NELL1: variants seen among roughly 807,000 people sequenced by gnomAD.
NELL1 encodes neural EGFL like 1.
NELL1 carries 76 observed loss-of-function variants against 107.4 expected under a neutral mutation model. That is an observed-to-expected ratio of 0.71 (90% CI 0.59 to 0.86). The LOEUF is 0.86. Among genes scored for constraint, NELL1 ranks in the 40% least tolerant of loss-of-function variants. The probability of loss-of-function intolerance (pLI) is 0.00; values close to 1 mark genes in which losing one functional copy is unlikely to be tolerated. For synonymous variants in NELL1, 353 were observed against 341.2 expected, an observed-to-expected ratio of 1.03 and a Z score of -0.38; for missense variants, 1,024 against 1,005.5, an observed-to-expected ratio of 1.02 and a Z score of -0.25.
chr11:20,865,498 A>G (rs968697076), intron 4 of NELL1, among the ~76,000 whole-genome samples: 1 of 151,806 alleles, frequency 6.6e-6, no homozygotes, highest in Non-Finnish European at 1.5e-5. Flanking sequence ...CCTTCACTCT[A>G]CTGTGTCTGA....
intron 14 of NELL1, among the ~76,000 whole-genome samples, chr11:21,298,677 C>T (rs1489741656): frequency 2.0e-5 from 3 of 151,966 alleles, no homozygotes; most frequent in Non-Finnish European, 4.4e-5. Context: ...TGGTAATTCC[C>T]ATTACCACTT....
chr11:21,412,763 A>G (rs1852410225), intron 15 of NELL1, among the ~76,000 whole-genome samples: 2 of 152,082 alleles, frequency 1.3e-5, no homozygotes, highest in Non-Finnish European at 2.9e-5. Context: ...GATAGAATCT[A>G]ACCCCTTAAG....
chr11:20,908,330 A>T (rs1376347935), intron 5 of NELL1, among the ~76,000 whole-genome samples: 2 of 152,222 alleles, frequency 1.3e-5, no homozygotes, highest in Non-Finnish European at 2.9e-5. Context: ...AGACTATTTG[A>T]TAAAGAAAAT....
At chr11:20,863,481 C>A (rs1380692668) in intron 4 of NELL1, among the ~76,000 whole-genome samples, 1 of 135,316 alleles carries the variant, frequency 7.4e-6, no homozygotes, top group Admixed American at 7.5e-5. Flanking sequence ...GGCGGCCGGG[C>A]AGAGACGCTC....
chr11:21,184,769 C>T (rs886571783), intron 13 of NELL1, among the ~76,000 whole-genome samples: 3 of 151,656 alleles, frequency 2.0e-5, no homozygotes, highest in Middle Eastern at 3.2e-3. Context: ...GAAGTGAAAT[C>T]GTGTTTTCTA....
At chr11:21,080,976 T>A (rs566607748) in intron 12 of NELL1, among the ~76,000 whole-genome samples, 3 of 152,046 alleles carry the variant, frequency 2.0e-5, no homozygotes, top group Non-Finnish European at 4.4e-5. Context: ...CCTTTTTTTT[T>A]AAACAGGATC....
rs191310721 is a variant in NELL1, at chr11:21,412,206, T to C, written c.1645+41258T>C. 3.2e-3 allele frequency among the ~76,000 whole-genome samples: 485 copies of C among 152,214 alleles called. 3 individuals are homozygous for C. The highest frequency in any genetic ancestry group is 2.3e-3 in the Non-Finnish European group (153 of 67,986). ...CTCATTTAGTTATTTTCTCTGAAATTATAGTTATAAAAAATTCTGTTAGAG... is the reference window on the plus strand; with the variant it reads ...CTCATTTAGTTATTTTCTCTGAAATCATAGTTATAAAAAATTCTGTTAGAG... On this transcript the variant is annotated intron_variant, in intron 15 of 19. Coordinates refer to ENST00000357134, the MANE Select transcript of NELL1 (RefSeq NM_006157.5).
intron 12 of NELL1, among the ~76,000 whole-genome samples, chr11:21,099,234 A>ACAC (rs1854741265): frequency 4.7e-5 from 3 of 63,998 alleles, no homozygotes; most frequent in East Asian, 4.2e-4. Context: ...CACACACACA[A>ACAC]ACACACACAC....
chr11:21,023,420 G>T (rs1852745396), intron 12 of NELL1, among the ~76,000 whole-genome samples: 1 of 152,046 alleles, frequency 6.6e-6, no homozygotes, highest in Non-Finnish European at 1.5e-5. Context: ...CTTATATTTT[G>T]ATTCAAAATT....
chr11:21,549,545 G>A (rs926597111), intron 16 of NELL1, among the ~76,000 whole-genome samples: 4 of 151,666 alleles, frequency 2.6e-5, no homozygotes, highest in African/African-American at 9.7e-5. Flanking sequence ...TTCCTAGAAC[G>A]GTGTCTGACA....
chr11:20,722,267 T>C (rs778894585), intron 2 of NELL1, among the ~76,000 whole-genome samples: 13 of 152,100 alleles, frequency 8.5e-5, no homozygotes, highest in Non-Finnish European at 1.5e-4. Flanking sequence ...GTGATCTACT[T>C]GCCTCAGCCT....
chr11:21,446,411 T>C (rs1222711723), intron 15 of NELL1, among the ~76,000 whole-genome samples: 1 of 152,154 alleles, frequency 6.6e-6, no homozygotes, highest in Non-Finnish European at 1.5e-5. Context: ...TGTTCATCAG[T>C]GTCTAGTCAT....
At chr11:21,494,562 G>T (rs1170932305) in intron 15 of NELL1, among the ~76,000 whole-genome samples, 1 of 151,630 alleles carries the variant, frequency 6.6e-6, no homozygotes, top group Non-Finnish European at 1.5e-5. Flanking sequence ...TATGAACATG[G>T]TATTATACTA....
chr11:21,491,905 G>T (rs1162530954), intron 15 of NELL1, among the ~76,000 whole-genome samples: 1 of 151,930 alleles, frequency 6.6e-6, no homozygotes, highest in Non-Finnish European at 1.5e-5. Flanking sequence ...CCCTGAAAAG[G>T]TCCTTCACTT....
intron 2 of NELL1, among the ~76,000 whole-genome samples, chr11:20,721,179 G>A (rs1442538456): frequency 3.1e-5 from 1 of 31,938 alleles, no homozygotes; most frequent in Non-Finnish European, 5.7e-5. Flanking sequence ...TATATATTTT[G>A]TGTATATATA....
chr11:20,987,115 A>G (rs892744222), intron 12 of NELL1, among the ~76,000 whole-genome samples: 1 of 152,200 alleles, frequency 6.6e-6, no homozygotes, highest in East Asian at 1.9e-4. Context: ...GAAACCCCAT[A>G]AGGCTGAAAC....
intron 15 of NELL1, among the ~76,000 whole-genome samples, chr11:21,476,936 T>C (rs1394161055): frequency 2.6e-5 from 4 of 152,102 alleles, no homozygotes; most frequent in African/African-American, 9.7e-5. Flanking sequence ...GAAACGTCCA[T>C]CCCAGCAGTC....
rs141821477 is a variant in NELL1, at chr11:20,698,346, C to T, written c.184+20286C>T. Reference sequence around the variant, plus strand: ...ATTCTCCAAATCTGTCCACTTCTACCGTCTGCACTAAAATCTCTTCTCTCA... The same window carrying T: ...ATTCTCCAAATCTGTCCACTTCTACTGTCTGCACTAAAATCTCTTCTCTCA... On this transcript the variant is annotated intron_variant, in intron 2 of 19. Transcript: ENST00000357134. 9.3e-3 allele frequency among the ~76,000 whole-genome samples: 1,415 copies of T among 152,266 alleles called. 23 individuals carry two copies. Among genetic ancestry groups the T allele is most frequent in the Admixed American group, 0.035 (543 of 15,296 alleles).
chr11:21,194,734 C>T (rs974281697), intron 13 of NELL1, among the ~76,000 whole-genome samples: 1 of 152,134 alleles, frequency 6.6e-6, no homozygotes. Flanking sequence ...ATATGATGCT[C>T]ATGCATATGA....
Sources: gnomAD v4.1 joint callset for allele counts (sites outside exome capture counted in the v4.1 genomes callset) on GRCh38, gnomAD v4.1.1 for gene constraint, MANE v1.5 for transcripts, NCBI Gene and HGNC (gene_info 2026-07-23, HGNC 2026-07-21) for gene names.